RPGRIP1L: variants seen among roughly 807,000 people sequenced by gnomAD.
RPGRIP1L encodes the protein protein fantom.
A neutral mutation model predicts 160.4 loss-of-function variants in RPGRIP1L; 131 were observed. The ratio of observed to expected loss-of-function variants is 0.82; its 90% confidence interval spans 0.71 to 0.94. The LOEUF (loss-of-function observed/expected upper bound fraction) is 0.94, where lower values mean the gene tolerates loss of function less well. RPGRIP1L is among the 40% of genes least tolerant of loss of function. The probability of loss-of-function intolerance (pLI) is 0.00; values close to 1 mark genes in which losing one functional copy is unlikely to be tolerated. For synonymous variants in RPGRIP1L, 510 were observed against 515.8 expected, an observed-to-expected ratio of 0.99 and a Z score of 0.15; for missense variants, 1,522 against 1,535.8, an observed-to-expected ratio of 0.99 and a Z score of 0.15.
chr16:53,604,713 C>T (rs1423246369), intron 26 of RPGRIP1L, among the ~76,000 whole-genome samples: 3 of 152,328 alleles, frequency 2.0e-5, no homozygotes, highest in Admixed American at 6.5e-5. Flanking sequence ...TGTATCACTA[C>T]ATTGCAACAC....
rs1231568634 is a variant in RPGRIP1L at position 53,657,587 on chromosome 16, C to CTT, written c.1445_1446dup (p.Val483LysfsTer2). The CTT allele has an allele frequency of 1.2e-6, 2 of 1,600,370 alleles. No individual in the cohort carries two copies. Among genetic ancestry groups the CTT allele is most frequent in the Non-Finnish European group, 1.7e-6 (2 of 1,170,850 alleles). ...AGATCTTTATTAATTTCACTATCTA[C>CTT]TTTCACTAAAAAGGAAAGGTCTCCA... On this transcript the variant is annotated frameshift_variant, in exon 13 of 27. Transcript: ENST00000647211. LOFTEE classifies it high-confidence loss of function.
chr16:53,667,523 A>G (rs141975814), intron 9 of RPGRIP1L, among the ~76,000 whole-genome samples: 54 of 152,326 alleles, frequency 3.5e-4, no homozygotes, highest in African/African-American at 1.3e-3. Context: ...GGATGGCTTG[A>G]GCCCAGGAGT....
At chr16:53,611,439 C>T (rs1304390555) in intron 24 of RPGRIP1L, among the ~76,000 whole-genome samples, 2 of 152,246 alleles carry the variant, frequency 1.3e-5, no homozygotes, top group African/African-American at 4.8e-5. Flanking sequence ...GTATGGCAGA[C>T]TGCTTGTCCT....
intron 25 of RPGRIP1L, among the ~76,000 whole-genome samples, chr16:53,609,192 G>T (rs1269134911): frequency 6.6e-6 from 1 of 152,098 alleles, no homozygotes; most frequent in Admixed American, 6.5e-5. Context: ...GGGCTCAAGC[G>T]GTCCTTCCTC....
rs565355987 is a variant in RPGRIP1L, at chr16:53,641,180, T to C, written c.2875-64A>G. The C allele has an allele frequency of 7.2e-5, 110 of 1,527,786 alleles. No homozygotes were observed. The African/African-American group carries it at 1.2e-3, about 16-fold the overall frequency. 94.6% of individuals were successfully genotyped at this position (1,527,786 alleles called of 1,614,324 possible). On this transcript the variant is annotated intron_variant, in intron 18 of 26. Transcript: ENST00000647211. ...GACCATTAGATTTCAGATAAGACTT[T>C]AGCTATTATTATTATTTTTTTTTGG...
chr16:53,623,246 C>T (rs115569732), intron 22 of RPGRIP1L, among the ~76,000 whole-genome samples: 141 of 152,232 alleles, frequency 9.3e-4, no homozygotes, highest in African/African-American at 3.0e-3. Flanking sequence ...AAGGAACTGA[C>T]GTAAGAGATT....
intron 2 of RPGRIP1L, among the ~76,000 whole-genome samples, chr16:53,697,776 G>A (rs2151388545): frequency 6.6e-6 from 1 of 152,194 alleles, no homozygotes; most frequent in African/African-American, 2.4e-5. Flanking sequence ...CCTCTGCCCG[G>A]CCGCCACCCC....
At chr16:53,698,535 G>A (rs1227534754) in intron 2 of RPGRIP1L, among the ~76,000 whole-genome samples, 1 of 147,352 alleles carries the variant, frequency 6.8e-6, no homozygotes. Flanking sequence ...CCGTCTGGGA[G>A]GGAGGTGGAG....
chr16:53,666,594 A>C (rs7205232), intron 9 of RPGRIP1L, among the ~76,000 whole-genome samples: 7 of 136,274 alleles, frequency 5.1e-5, no homozygotes, highest in African/African-American at 1.7e-4. Flanking sequence ...GTGTGTGTGT[A>C]TATATATATA....
chr16:53,627,292 C>A (rs1411053683), intron 22 of RPGRIP1L, among the ~76,000 whole-genome samples: 2 of 152,128 alleles, frequency 1.3e-5, no homozygotes, highest in African/African-American at 4.8e-5. Context: ...ACATTTAAAT[C>A]TAATTATGGT....
rs376074967 is a variant in RPGRIP1L at position 53,625,951 on chromosome 16, G to C, written c.3295-3595C>G. ...ACAGATGCTTGAAGGCAGCATGCTC[G>C]TTAAGAGTCATCACCACTCCCTAAT... On this transcript the variant is annotated intron_variant, in intron 22 of 26. Transcript: ENST00000647211. 1.1e-4 allele frequency among the ~76,000 whole-genome samples: 17 copies of C among 151,734 alleles called. No individual in the cohort carries two copies. The East Asian group carries it at 1.9e-3, about 17-fold the overall frequency.
At chr16:53,686,326 A>G in intron 6 of RPGRIP1L, 107 bp downstream of exon 6, 4 of 1,224,058 alleles carry the variant, frequency 3.3e-6, no homozygotes, top group Non-Finnish European at 3.5e-6. Context: ...GTTAAGTAAA[A>G]ACATGATTTT....
intron 10 of RPGRIP1L, among the ~76,000 whole-genome samples, chr16:53,663,880 A>G (rs1015805409): frequency 2.0e-5 from 3 of 152,208 alleles, no homozygotes; most frequent in Non-Finnish European, 4.4e-5. Context: ...ATAAGATGCA[A>G]CTCAATATTA....
In RPGRIP1L at chr16:53,652,521, T is replaced by C; in HGVS notation, c.2152+14A>G. ...TAGTAATTCAAACACCCAAGGCTTA[T>C]ACATTGTACTTACCAATCAAACTTG... On this transcript the variant is annotated intron_variant, in intron 15 of 26. Transcript: ENST00000647211. 6.2e-7 allele frequency: 1 copy of C among 1,600,012 alleles called. No homozygotes were observed. The highest frequency in any genetic ancestry group is 8.6e-7 in the Non-Finnish European group (1 of 1,167,364).
chr16:53,679,678 T>C (rs745820566), intron 6 of RPGRIP1L, among the ~76,000 whole-genome samples: 3 of 152,234 alleles, frequency 2.0e-5, no homozygotes, highest in Non-Finnish European at 4.4e-5. Flanking sequence ...CATTTCTTGA[T>C]AGAATTGTGC....
intron 15 of RPGRIP1L, 43 bp downstream of exon 15, chr16:53,652,492 A>G (rs755793934): frequency 6.7e-7 from 1 of 1,486,742 alleles, no homozygotes; most frequent in South Asian, 1.1e-5. Context: ...TATATAAACC[A>G]AATTAGTAAT....
chr16:53,696,555 C>T (rs1309241102), intron 2 of RPGRIP1L, among the ~76,000 whole-genome samples: 4 of 152,044 alleles, frequency 2.6e-5, no homozygotes, highest in East Asian at 3.8e-4. Flanking sequence ...ATTCAAGTGC[C>T]GTTCTTTAAG....
In RPGRIP1L at chr16:53,686,665, A is replaced by G. The variant is rs1021964633; in HGVS notation, c.633-89T>C. On this transcript the variant is annotated intron_variant, in intron 5 of 26. Coordinates refer to ENST00000647211, the MANE Select transcript of RPGRIP1L (RefSeq NM_015272.5). The stretch of plus-strand genomic sequence containing the variant: ...GTGCAAAGAAAGTTCTTCATGAAAA[A>G]GAGCAAGCAGAAGTTAAAAAATTTA... The G allele has an allele frequency of 2.2e-6, 3 of 1,368,364 alleles. No individual in the cohort carries two copies. The African/African-American group carries it at 4.3e-5, about 20-fold the overall frequency. The allele number at this position is 1,368,364 out of a possible 1,614,324, so 84.8% of individuals were successfully genotyped here. A position where few individuals can be genotyped will look rare whatever the true frequency, so the allele number is the denominator to read the frequency against.
At chr16:53,628,615 T>G (rs1965322542) in intron 22 of RPGRIP1L, 1 of 152,196 alleles carries the variant, frequency 6.6e-6, no homozygotes, top group African/African-American at 2.4e-5. Context: ...ATAATAATAA[T>G]AAGTACATAC....
Sources: allele counts gnomAD v4.1 joint callset (sites outside exome capture counted in the v4.1 genomes callset), GRCh38; gene constraint gnomAD v4.1.1; transcripts MANE v1.5; gene names NCBI Gene and HGNC (gene_info 2026-07-23, HGNC 2026-07-21).